The following DCC variants were observed in gnomAD, a reference collection of about 807,000 sequenced individuals.
The protein encoded by DCC is DCC netrin 1 receptor, also known as netrin receptor DCC.
Under a neutral mutation model 172.5 loss-of-function variants are expected in DCC, and 58 were observed. The observed-to-expected ratio is 0.34, with a 90% CI of 0.27 to 0.42. The LOEUF (loss-of-function observed/expected upper bound fraction) is 0.42. Ranked by LOEUF, DCC falls within the 10% of genes least tolerant of loss-of-function variation. The pLI, the probability that DCC is intolerant of heterozygous loss-of-function variation, is 1.00. For missense variants in DCC, 1,740 were observed against 1,791.0 expected, an observed-to-expected ratio of 0.97 and a Z score of 0.51; for synonymous variants, 709 against 644.5, an observed-to-expected ratio of 1.10 and a Z score of -1.52.
At chr18:53,155,952 A>G (rs2054725917) in intron 7 of DCC, among the ~76,000 whole-genome samples, 2 of 152,060 alleles carry the variant, frequency 1.3e-5, no homozygotes, top group African/African-American at 2.4e-5. Context: ...TTGTATCAGA[A>G]CAGTGTAAAC....
rs2054761675 is a variant in DCC, at chr18:53,157,499, G to A, written c.1405G>A (p.Glu469Lys). 1.2e-6 allele frequency: 2 copies of A among 1,614,090 alleles called. No individual in the cohort carries two copies. Among genetic ancestry groups the A allele is most frequent in the East Asian group, 4.5e-5 (2 of 44,878 alleles). The change falls in exon 8 of 29, where the codon GAA becomes AAA. Residue 469 changes from glutamate (E) to lysine (K), a missense_variant. By Grantham distance (56) the Glu-to-Lys change is moderately conservative. Coordinates refer to ENST00000442544, the MANE Select transcript of DCC (RefSeq NM_005215.4). ...IQTFTVFFSR[E>K]GDNRERALNT... ...AACTTTCACGGTCTTTTTCTCCAGA[G>A]AAGGTGACAACAGGTAGGTGATGCT...
At chr18:53,248,584 A>G (rs1305632549) in intron 12 of DCC, among the ~76,000 whole-genome samples, 1 of 152,016 alleles carries the variant, frequency 6.6e-6, no homozygotes, top group African/African-American at 2.4e-5. Context: ...AATAGCGAAG[A>G]ACGAAAGCCA....
chr18:52,494,562 A>G (rs896429323), intron 1 of DCC, among the ~76,000 whole-genome samples: 3 of 151,400 alleles, frequency 2.0e-5, no homozygotes, highest in Admixed American at 6.6e-5. Context: ...GACTTCCTTC[A>G]TTTTACTAAT....
At chr18:52,914,917 C>T (rs1474151225) in intron 3 of DCC, among the ~76,000 whole-genome samples, 1 of 152,086 alleles carries the variant, frequency 6.6e-6, no homozygotes, top group East Asian at 1.9e-4. Context: ...CTGCAGTGCC[C>T]TTTCATTTCC....
intron 12 of DCC, among the ~76,000 whole-genome samples, chr18:53,300,231 G>A (rs1299738441): frequency 6.6e-6 from 1 of 152,028 alleles, no homozygotes; most frequent in Non-Finnish European, 1.5e-5. Flanking sequence ...AAATTTATTT[G>A]CAACTCAAAT....
intron 14 of DCC, among the ~76,000 whole-genome samples, chr18:53,323,472 G>A (rs1455339958): frequency 6.6e-6 from 1 of 152,212 alleles, no homozygotes; most frequent in East Asian, 1.9e-4. Flanking sequence ...ACCATGCTGA[G>A]CTTTGATACA....
chr18:53,444,534 C>T (rs1912478853), intron 22 of DCC, among the ~76,000 whole-genome samples: 3 of 152,156 alleles, frequency 2.0e-5, no homozygotes, highest in Admixed American at 2.0e-4. Flanking sequence ...TTGCCACAGC[C>T]ACCCCACCCT....
At chr18:52,961,036 C>A (rs141690016) in intron 5 of DCC, among the ~76,000 whole-genome samples, 2,048 of 152,120 alleles carry the variant, frequency 0.013, 61 homozygotes, top group African/African-American at 0.047. Context: ...GGGAACTTAA[C>A]GATTTTTAAA....
chr18:53,397,800 T>C (rs1909049458), intron 18 of DCC, among the ~76,000 whole-genome samples: 1 of 152,112 alleles, frequency 6.6e-6, no homozygotes, highest in Non-Finnish European at 1.5e-5. Flanking sequence ...ATTGTCATGG[T>C]AGGTATTTCT....
At chr18:52,862,959 C>T (rs569761709) in intron 2 of DCC, among the ~76,000 whole-genome samples, 31 of 152,098 alleles carry the variant, frequency 2.0e-4, no homozygotes, top group African/African-American at 6.7e-4. Context: ...TCTACCTTTC[C>T]ATCAGTATAT....
chr18:52,474,969 A>G (rs1379548960), intron 1 of DCC, among the ~76,000 whole-genome samples: 1 of 152,172 alleles, frequency 6.6e-6, no homozygotes, highest in Non-Finnish European at 1.5e-5. Context: ...CACTCCTCTG[A>G]TATTAGTTAT....
intron 11 of DCC, among the ~76,000 whole-genome samples, chr18:53,210,085 C>T (rs1405558147): frequency 2.0e-5 from 3 of 152,164 alleles, no homozygotes; most frequent in South Asian, 2.1e-4. Context: ...GAGTGGACAC[C>T]GTGACCTCGT....
At chr18:53,257,987 G>T (rs990607695) in intron 12 of DCC, among the ~76,000 whole-genome samples, 1 of 152,188 alleles carries the variant, frequency 6.6e-6, no homozygotes. Flanking sequence ...AGATTTTCTA[G>T]TTTATTTGTG....
intron 7 of DCC, among the ~76,000 whole-genome samples, chr18:53,070,588 G>A (rs1297072975): frequency 6.6e-6 from 1 of 152,100 alleles, no homozygotes; most frequent in African/African-American, 2.4e-5. Flanking sequence ...AAAGTGTCAA[G>A]GCTCTCCTGA....
At chr18:52,698,764 ATTTTT>A (rs34646550) in intron 1 of DCC, among the ~76,000 whole-genome samples, 6 of 134,168 alleles carry the variant, frequency 4.5e-5, no homozygotes, top group African/African-American at 1.1e-4. Context: ...ACGCCTGGCT[ATTTTT>A]TTTTTTTTTT....
At chr18:53,001,291 A>G (rs1887623241) in intron 5 of DCC, among the ~76,000 whole-genome samples, 1 of 152,108 alleles carries the variant, frequency 6.6e-6, no homozygotes, top group African/African-American at 2.4e-5. Context: ...AAGTTTGTCT[A>G]AAAGTGCTTT....
intron 21 of DCC, among the ~76,000 whole-genome samples, chr18:53,431,271 G>A (rs1193491504): frequency 3.4e-5 from 3 of 87,158 alleles, no homozygotes; most frequent in Non-Finnish European, 8.2e-5. Flanking sequence ...CAAAACTTTG[G>A]CAGAAGCTTT....
intron 2 of DCC, among the ~76,000 whole-genome samples, chr18:52,903,438 C>T (rs925540998): frequency 5.3e-5 from 8 of 152,142 alleles, no homozygotes; most frequent in Admixed American, 5.2e-4. Context: ...AACTCCTGTG[C>T]TCAAGTGATT....
chr18:53,033,120 C>T (rs1208477072), intron 5 of DCC, among the ~76,000 whole-genome samples: 2 of 152,066 alleles, frequency 1.3e-5, no homozygotes, highest in Non-Finnish European at 2.9e-5. Context: ...AATACAATGA[C>T]TTATAGAAAT....
Sources: gnomAD v4.1 joint callset for allele counts (sites outside exome capture counted in the v4.1 genomes callset) on GRCh38, gnomAD v4.1.1 for gene constraint, MANE v1.5 for transcripts, NCBI Gene and HGNC (gene_info 2026-07-23, HGNC 2026-07-21) for gene names.